The following KLHL23 variants were observed in gnomAD, a reference collection of about 807,000 sequenced individuals.
The protein encoded by KLHL23 is kelch like family member 23.
A neutral mutation model predicts 48.9 loss-of-function variants in KLHL23; 33 were observed. That is an observed-to-expected ratio of 0.67 (90% CI 0.51 to 0.90). KLHL23 has a LOEUF of 0.90. KLHL23 is among the 40% of genes least tolerant of loss of function. The pLI is 0.00. For missense variants in KLHL23, 608 were observed against 669.6 expected (o/e 0.91, Z 1.02); for synonymous variants, 234 against 231.6 (o/e 1.01, Z -0.09).
At chr2:169,738,867 CTTCCCCCTT>C (rs1178787671) in intron 2 of KLHL23, among the ~76,000 whole-genome samples, 1 of 2,084 alleles carries the variant, frequency 4.8e-4, no homozygotes, top group Non-Finnish European at 8.4e-4. Context: ...CCTCCCCTCT[CTTCCCCCTT>C]CCCCTCCCTC....
chr2:169,741,971 G>A (rs1688686728), intron 3 of KLHL23, among the ~76,000 whole-genome samples: 1 of 152,178 alleles, frequency 6.6e-6, no homozygotes, highest in Admixed American at 6.5e-5. Flanking sequence ...GTTCTTTCTA[G>A]GTTTCACTTA....
intron 3 of KLHL23, among the ~76,000 whole-genome samples, chr2:169,744,785 C>A (rs994686154): frequency 3.9e-5 from 6 of 151,990 alleles, no homozygotes; most frequent in Non-Finnish European, 8.8e-5. Context: ...TCTCAAACTC[C>A]TGACCTTGTG....
chr2:169,738,353 T>C (rs61246982), intron 2 of KLHL23, among the ~76,000 whole-genome samples: 22,670 of 151,934 alleles, frequency 0.15, 1,717 homozygotes, highest in Middle Eastern at 0.23. Flanking sequence ...ATGATTCTCC[T>C]ACCTTGGCCT....
intron 2 of KLHL23, among the ~76,000 whole-genome samples, chr2:169,738,845 CCCCT>C (rs1688586834): frequency 2.0e-4 from 1 of 4,886 alleles, no homozygotes; most frequent in African/African-American, 8.6e-4. Context: ...TCCTCCCCCT[CCCCT>C]TCCTCACCCT....
chr2:169,747,388 C>CCAAAAAA (rs1173358118), intron 3 of KLHL23, among the ~76,000 whole-genome samples: 1 of 5,770 alleles, frequency 1.7e-4, no homozygotes. Flanking sequence ...GACTCTGTCT[C>CCAAAAAA]TAAAAAAAAA....
Position 169,749,486 on chromosome 2 carries a change from C to G in KLHL23, c.1431C>G (p.Ile477Met). The change falls in exon 4 of 4, where the codon ATC (isoleucine) becomes ATG (methionine). Residue 477 changes from isoleucine (I) to methionine (M), a missense_variant. This residue lies in a region of KLHL23 where 179 missense variants were observed against 169.9 expected (regional missense o/e 1.05). Transcript: ENST00000392647. ...ATCTAGTCGGCGGACAAACTACAAT[C>G]ACAGAATGCTATGACCCTGAACAAA... ...KLYLVGGQTTITECYDPEQNE... is the reference protein window; with the variant it reads ...KLYLVGGQTTMTECYDPEQNE... 6.2e-7 allele frequency: 1 copy of G among 1,613,994 alleles called. No homozygotes were observed. Among genetic ancestry groups the G allele is most frequent in the Non-Finnish European group, 8.5e-7 (1 of 1,180,000 alleles).
At position 169,750,110 on chromosome 2, in the gene KLHL23, A is replaced by ACG. The variant is rs1688934713; in HGVS notation, c.*378_*379insCG. ...TATACATATATGTGTATACATATAT[A>ACG]TGTGTGTATATATATACACATATAT... On this transcript the variant is annotated 3_prime_UTR_variant, in exon 4 of 4. Coordinates refer to ENST00000392647, the MANE Select transcript of KLHL23 (RefSeq NM_144711.6). 6 of 18,440 alleles carry ACG rather than the reference A, an allele frequency of 3.3e-4. No individual in the cohort carries two copies. Among genetic ancestry groups the ACG allele is most frequent in the African/African-American group, 7.1e-4 (6 of 8,498 alleles). The allele number at this position is 18,440 out of a possible 1,614,324, so 1.1% of individuals were successfully genotyped here. A position where few individuals can be genotyped will look rare whatever the true frequency, so the allele number is the denominator to read the frequency against.
intron 3 of KLHL23, among the ~76,000 whole-genome samples, chr2:169,745,363 AT>A (rs1688770891): frequency 2.0e-5 from 3 of 151,992 alleles, no homozygotes; most frequent in Non-Finnish European, 4.4e-5. Context: ...ATACAAAAAA[AT>A]TAGCTGGGCA....
rs1387911516 is a variant in KLHL23 at position 169,749,819 on chromosome 2, A to G, written c.*87A>G. 1 of 1,468,080 alleles carries G rather than the reference A, an allele frequency of 6.8e-7. No individual in the cohort carries two copies. Among genetic ancestry groups the G allele is most frequent in the Non-Finnish European group, 9.1e-7 (1 of 1,093,024 alleles). The allele number at this position is 1,468,080 out of a possible 1,614,324, so 90.9% of individuals were successfully genotyped here. Reference sequence around the variant, plus strand: ...TGCAGGGTTTGAAGTTCCTTACCTGATAATTGTGTCTGGCACATGATAGGG... The same window carrying G: ...TGCAGGGTTTGAAGTTCCTTACCTGGTAATTGTGTCTGGCACATGATAGGG... On this transcript the variant is annotated 3_prime_UTR_variant, in exon 4 of 4. Coordinates refer to ENST00000392647, the MANE Select transcript of KLHL23 (RefSeq NM_144711.6).
In KLHL23 at chr2:169,749,986, C is replaced by CGCATGTATGTATACATATATGT; in HGVS notation, c.*255_*256insCATGTATGTATACATATATGTG. 1.0e-5 allele frequency: 1 copy of CGCATGTATGTATACATATATGT among 97,638 alleles called. No homozygotes were observed. The highest frequency in any genetic ancestry group is 1.9e-4 in the East Asian group (1 of 5,140). 6.0% of individuals were successfully genotyped at this position (97,638 alleles called of 1,614,324 possible). ...GTATACATATATATGTGTATATATA[C>CGCATGTATGTATACATATATGT]GTATGTATACATATATGTGTATATA... On this transcript the variant is annotated 3_prime_UTR_variant, in exon 4 of 4. Transcript: ENST00000392647.
Position 169,749,887 on chromosome 2 carries a change from A to G in KLHL23, c.*155A>G, listed in dbSNP as rs531441995. On this transcript the variant is annotated 3_prime_UTR_variant, in exon 4 of 4. Transcript: ENST00000392647. ...TCCTAACCCTACTGTACTCCCAAAC[A>G]TGGTGATTCATGGTCAAGAAAAATC... The G allele has an allele frequency of 2.1e-5, 13 of 631,136 alleles. No homozygotes were observed. In the African/African-American group the frequency reaches 2.6e-4, roughly 12 times the overall value. The allele number at this position is 631,136 out of a possible 1,614,324, so 39.1% of individuals were successfully genotyped here.
rs752513020 is a variant in KLHL23, at chr2:169,741,573, G to A, written c.1366+36G>A. The A allele has an allele frequency of 7.6e-6, 12 of 1,574,680 alleles. No individual in the cohort carries two copies. The South Asian group carries it at 1.4e-4, about 19-fold the overall frequency. ...TACTGTCTCAAATAGTGTATGTTGT[G>A]ATGTAGTTTAGTAGCATAAAGGATG... On this transcript the variant is annotated intron_variant, in intron 3 of 3. Transcript: ENST00000392647.
chr2:169,746,161 G>A (rs1186201551), intron 3 of KLHL23, among the ~76,000 whole-genome samples: 1 of 152,214 alleles, frequency 6.6e-6, no homozygotes, highest in East Asian at 1.9e-4. Flanking sequence ...GTGAAGTGGG[G>A]AGAGAACTTT....
chr2:169,743,947 CATTGCTTACACTGAGAAGA>C (rs1265380892), intron 3 of KLHL23, among the ~76,000 whole-genome samples: 1 of 152,192 alleles, frequency 6.6e-6, no homozygotes, highest in Non-Finnish European at 1.5e-5. Flanking sequence ...CATAGAGATA[CATTGCTTACACTGAGAAGA>C]AATGACTACT....
intron 3 of KLHL23, among the ~76,000 whole-genome samples, chr2:169,747,501 C>T (rs1189941992): frequency 1.4e-5 from 2 of 139,296 alleles, no homozygotes; most frequent in African/African-American, 2.6e-5. Context: ...AGGGTCTCAC[C>T]GTGTTGCCCA....
At chr2:169,738,246 T>A (rs1465070685) in intron 2 of KLHL23, among the ~76,000 whole-genome samples, 6 of 151,962 alleles carry the variant, frequency 3.9e-5, no homozygotes, top group African/African-American at 7.3e-5. Flanking sequence ...GAACTTTTTT[T>A]AAACAATTTT....
intron 3 of KLHL23, among the ~76,000 whole-genome samples, chr2:169,745,369 T>C (rs1424116508): frequency 2.6e-5 from 4 of 151,724 alleles, no homozygotes; most frequent in Admixed American, 6.6e-5. Flanking sequence ...AAAAATTAGC[T>C]GGGCATGGTG....
intron 2 of KLHL23, among the ~76,000 whole-genome samples, chr2:169,739,220 C>T (rs1415075111): frequency 1.3e-5 from 2 of 151,768 alleles, no homozygotes; most frequent in East Asian, 1.9e-4. Flanking sequence ...CTATGCTCTT[C>T]CCTCCATACC....
Position 169,749,927 on chromosome 2 carries a change from A to ATATGTGTTCATATATATG in KLHL23, c.*198_*199insGTGTTCATATATATGTAT. 2 of 207,642 alleles carry ATATGTGTTCATATATATG rather than the reference A, an allele frequency of 9.6e-6. No individual in the cohort carries two copies. The highest frequency in any genetic ancestry group is 4.0e-5 in the African/African-American group (1 of 24,814). The allele number at this position is 207,642 out of a possible 1,614,324, so 12.9% of individuals were successfully genotyped here. A position where few individuals can be genotyped will look rare whatever the true frequency, so the allele number is the denominator to read the frequency against. On this transcript the variant is annotated 3_prime_UTR_variant, in exon 4 of 4. Transcript: ENST00000392647. ...CAAGAAAAATCTTATATATATATAT[A>ATATGTGTTCATATATATG]TATACACACACACATATATGTGTTC...
Sources: allele counts gnomAD v4.1 joint callset (sites outside exome capture counted in the v4.1 genomes callset), GRCh38; gene constraint gnomAD v4.1.1; regional missense constraint gnomAD v4.1.1; transcripts MANE v1.5; gene names NCBI Gene and HGNC (gene_info 2026-07-23, HGNC 2026-07-21).